The following ARIH1 variants were observed in gnomAD, a reference collection of about 807,000 sequenced individuals.
The protein encoded by ARIH1 is E3 ubiquitin-protein ligase ARIH1.
A neutral mutation model predicts 85.0 loss-of-function variants in ARIH1; 8 were observed. The ratio of observed to expected loss-of-function variants is 0.09; its 90% CI spans 0.06 to 0.17. The LOEUF (loss-of-function observed/expected upper bound fraction) is 0.17, where lower values mean the gene tolerates loss of function less well. ARIH1 is among the 10% of genes least tolerant of loss of function. The pLI is 1.00. For synonymous variants in ARIH1, 238 were observed against 253.6 expected (o/e 0.94, Z 0.59); for missense variants, 311 against 718.1 (o/e 0.43, Z 6.48).
In ARIH1 at chr15:72,582,608, A is replaced by C. The variant is rs1414113940; in HGVS notation, c.1589+421A>C. Among the ~76,000 whole-genome samples the C allele has an allele frequency of 6.7e-6, 1 of 150,054 alleles. No homozygotes were observed. The highest frequency in any genetic ancestry group is 1.5e-5 in the Non-Finnish European group (1 of 67,874). ...ACATATATATATATATATTTTTTTA[A>C]TCTAAGGAGATACTTGTCCTAGGAG... On this transcript the variant is annotated intron_variant, in intron 13 of 13. Transcript: ENST00000379887. The surrounding 1 kb of genome is among the most constrained non-coding windows in gnomAD (Gnocchi z 4.6).
At chr15:72,524,994 C>G (rs1052912312) in intron 2 of ARIH1, among the ~76,000 whole-genome samples, 1 of 152,178 alleles carries the variant, frequency 6.6e-6, no homozygotes, top group Non-Finnish European at 1.5e-5. Flanking sequence ...AAATGATTCT[C>G]CCGCCTTAGC....
chr15:72,556,187 G>C (rs1174973890), intron 5 of ARIH1, among the ~76,000 whole-genome samples: 2 of 117,358 alleles, frequency 1.7e-5, no homozygotes, highest in Admixed American at 1.0e-4. Flanking sequence ...CTTGGAAGCA[G>C]ATCCCAAGAT....
chr15:72,532,912 CT>C (rs2140418318), intron 2 of ARIH1, among the ~76,000 whole-genome samples: 1 of 152,320 alleles, frequency 6.6e-6, no homozygotes, highest in South Asian at 2.1e-4. Context: ...CAATCTAGAA[CT>C]TTGTTAACCT....
intron 2 of ARIH1, among the ~76,000 whole-genome samples, chr15:72,523,576 G>A (rs1231570343): frequency 6.6e-6 from 1 of 151,718 alleles, no homozygotes; most frequent in East Asian, 1.9e-4. Context: ...TGTAATGGTG[G>A]ATATGTATCA....
chr15:72,579,204 C>CT (rs1422055950), intron 11 of ARIH1, among the ~76,000 whole-genome samples: 2 of 151,992 alleles, frequency 1.3e-5, no homozygotes, highest in Non-Finnish European at 2.9e-5. Context: ...CCCCTCCTTG[C>CT]TTTTTTTTCT....
At position 72,558,055 on chromosome 15, in the gene ARIH1, T is replaced by C. The variant is rs188741889; in HGVS notation, c.737+2148T>C. Among the ~76,000 whole-genome samples, 11 of 152,342 alleles carry C rather than the reference T, an allele frequency of 7.2e-5. No homozygotes were observed. In the East Asian group the frequency reaches 2.1e-3, roughly 29 times the overall value. On this transcript the variant is annotated intron_variant, in intron 5 of 13. Transcript: ENST00000379887. ...ATTTCTTTCTCTTGCCTGATTGCTCTGGCCAGGACTTCCAGTACTATGTTG... is the reference window on the plus strand; with the variant it reads ...ATTTCTTTCTCTTGCCTGATTGCTCCGGCCAGGACTTCCAGTACTATGTTG...
Position 72,580,773 on chromosome 15 carries a change from C to T in ARIH1, c.1258C>T (p.Arg420Cys). The change falls in exon 12 of 14, where the codon CGC (arginine) becomes TGC (cysteine). Residue 420 changes from arginine (R) to cysteine (C), a missense_variant. By Grantham distance (180) the Arg-to-Cys change is radical. Coordinates refer to ENST00000379887, the MANE Select transcript of ARIH1 (RefSeq NM_005744.5). ...GCAGAGGTACCTGTTCTACTGTAAT[C>T]GCTATATGAACCACATGCAGAGCCT... Reference protein sequence around the residue: ...ALQRYLFYCNRYMNHMQSLRF... With the variant: ...ALQRYLFYCNCYMNHMQSLRF... The T allele has an allele frequency of 1.2e-6, 2 of 1,614,048 alleles. No individual in the cohort carries two copies. Among genetic ancestry groups the T allele is most frequent in the Non-Finnish European group, 1.7e-6 (2 of 1,179,970 alleles).
intron 1 of ARIH1, among the ~76,000 whole-genome samples, chr15:72,514,073 C>T (rs1027333057): frequency 6.6e-6 from 1 of 151,006 alleles, no homozygotes; most frequent in African/African-American, 2.4e-5. Context: ...CTCCTGGGCT[C>T]AAGTGATCCT....
At chr15:72,570,870 T>G (rs2064241083) in intron 10 of ARIH1, among the ~76,000 whole-genome samples, 1 of 152,156 alleles carries the variant, frequency 6.6e-6, no homozygotes, top group Non-Finnish European at 1.5e-5. Context: ...GGCTCACACC[T>G]GTAATCCCGG....
At chr15:72,570,821 T>C (rs1004241447) in intron 10 of ARIH1, among the ~76,000 whole-genome samples, 79 of 152,086 alleles carry the variant, frequency 5.2e-4, no homozygotes, top group African/African-American at 1.9e-3. Context: ...TATTGATGAC[T>C]TACTTGAACT....
At chr15:72,549,245 A>T (rs1312360931) in intron 3 of ARIH1, among the ~76,000 whole-genome samples, 2 of 150,938 alleles carry the variant, frequency 1.3e-5, no homozygotes, top group Non-Finnish European at 3.0e-5. Context: ...CCACCACCAC[A>T]CCTGTCTAAT....
At chr15:72,550,059 A>G (rs1427475260) in intron 3 of ARIH1, among the ~76,000 whole-genome samples, 2 of 152,196 alleles carry the variant, frequency 1.3e-5, no homozygotes, top group African/African-American at 4.8e-5. Context: ...CACAATGAAT[A>G]TGTATCTTTA....
At chr15:72,521,165 G>T (rs2063997776) in intron 2 of ARIH1, among the ~76,000 whole-genome samples, 1 of 133,380 alleles carries the variant, frequency 7.5e-6, no homozygotes, top group African/African-American at 2.8e-5. Context: ...TTTTTTATTT[G>T]ATTGTAAGCA....
intron 2 of ARIH1, among the ~76,000 whole-genome samples, chr15:72,520,511 A>G (rs1290981766): frequency 2.0e-5 from 3 of 152,128 alleles, no homozygotes; most frequent in African/African-American, 7.2e-5. Flanking sequence ...TCAGAGATTA[A>G]CATATTCATG....
rs1338942048 is a variant in ARIH1 at position 72,588,265 on chromosome 15, G to A, written c.*4973G>A. The A allele has an allele frequency of 6.6e-6, 1 of 152,182 alleles. No homozygotes were observed. The highest frequency in any genetic ancestry group is 1.9e-4 in the East Asian group (1 of 5,198). The allele number at this position is 152,182 out of a possible 1,614,324, so 9.4% of individuals were successfully genotyped here. On this transcript the variant is annotated 3_prime_UTR_variant, in exon 14 of 14. Coordinates refer to ENST00000379887, the MANE Select transcript of ARIH1 (RefSeq NM_005744.5). ...TGTGGGCCAAAGAAAACCCGGCCATGGGCAGTTTTTTTTTCCCAGCTTCTA... is the reference window on the plus strand; with the variant it reads ...TGTGGGCCAAAGAAAACCCGGCCATAGGCAGTTTTTTTTTCCCAGCTTCTA...
intron 2 of ARIH1, among the ~76,000 whole-genome samples, chr15:72,525,706 A>G (rs1562250): frequency 0.74 from 113,079 of 152,152 alleles, 47,688 homozygotes; most frequent in Non-Finnish European, 0.93. Context: ...GTCCCTTTCC[A>G]TTACTTCTTC....
rs1172917656 is a variant in ARIH1 at position 72,594,973 on chromosome 15, T to G, written c.*11681T>G. ...CTAAGTATAATGTTAACTGTAAGTTTTTCACAGACCAGCCCAAAGAAGTTC... is the reference window on the plus strand; with the variant it reads ...CTAAGTATAATGTTAACTGTAAGTTGTTCACAGACCAGCCCAAAGAAGTTC... On this transcript the variant is annotated 3_prime_UTR_variant, in exon 14 of 14. Coordinates refer to ENST00000379887, the MANE Select transcript of ARIH1 (RefSeq NM_005744.5). 1 of 152,148 alleles carries G rather than the reference T, an allele frequency of 6.6e-6. No homozygotes were observed. Among genetic ancestry groups the G allele is most frequent in the African/African-American group, 2.4e-5 (1 of 41,440 alleles). The allele number at this position is 152,148 out of a possible 1,614,324, so 9.4% of individuals were successfully genotyped here.
At chr15:72,501,040 G>C (rs1224332426) in intron 1 of ARIH1, among the ~76,000 whole-genome samples, 1 of 152,132 alleles carries the variant, frequency 6.6e-6, no homozygotes, top group African/African-American at 2.4e-5. Flanking sequence ...CATGGGAGGA[G>C]GTACACACTA....
At chr15:72,579,883 C>A (rs556332577) in intron 11 of ARIH1, among the ~76,000 whole-genome samples, 2 of 152,178 alleles carry the variant, frequency 1.3e-5, no homozygotes, top group South Asian at 4.2e-4. Flanking sequence ...AATATGTAAA[C>A]AATGCAATGA....
Sources: allele counts gnomAD v4.1 joint callset (sites outside exome capture counted in the v4.1 genomes callset), GRCh38; gene constraint gnomAD v4.1.1; non-coding constraint Gnocchi (gnomAD v3.1); transcripts MANE v1.5; gene names NCBI Gene and HGNC (gene_info 2026-07-23, HGNC 2026-07-21).